PLCE1: variants seen among roughly 807,000 people sequenced by gnomAD.
PLCE1 encodes 1-phosphatidylinositol 4,5-bisphosphate phosphodiesterase epsilon-1.
In PLCE1, 119 loss-of-function variants were observed where a neutral mutation model predicts 242.8. That is an observed-to-expected ratio of 0.49 (90% CI 0.42 to 0.57). The LOEUF is 0.57. Ranked by LOEUF, PLCE1 falls within the 20% of genes least tolerant of loss-of-function variation. PLCE1 has a pLI of 0.00. For synonymous variants in PLCE1, 945 were observed against 1,017.4 expected, an observed-to-expected ratio of 0.93 and a Z score of 1.35; for missense variants, 2,441 against 2,788.8, an observed-to-expected ratio of 0.88 and a Z score of 2.81.
chr10:94,310,470 C>A (rs2053353284), intron 27 of PLCE1, among the ~76,000 whole-genome samples: 1 of 152,142 alleles, frequency 6.6e-6, no homozygotes, highest in Admixed American at 6.6e-5. Context: ...GGGCCCCAGG[C>A]ATCAGTTTTT....
intron 1 of PLCE1, among the ~76,000 whole-genome samples, chr10:94,018,947 T>C (rs1001829146): frequency 2.0e-5 from 3 of 152,204 alleles, no homozygotes; most frequent in Non-Finnish European, 4.4e-5. Flanking sequence ...ATTATTATAG[T>C]GCTGAAGGGG....
chr10:94,090,396 C>G (rs1004401745), intron 2 of PLCE1, among the ~76,000 whole-genome samples: 3 of 152,172 alleles, frequency 2.0e-5, no homozygotes, highest in Non-Finnish European at 2.9e-5. Context: ...ATTAAGTGTT[C>G]ATTCCTTCTA....
chr10:94,207,258 G>T (rs948840491), intron 4 of PLCE1, among the ~76,000 whole-genome samples: 1 of 152,150 alleles, frequency 6.6e-6, no homozygotes, highest in South Asian at 2.1e-4. Context: ...ACACACAGCT[G>T]GGAGACAGAA....
intron 22 of PLCE1, among the ~76,000 whole-genome samples, chr10:94,287,787 A>G (rs956367894): frequency 9.2e-5 from 14 of 151,900 alleles, no homozygotes; most frequent in African/African-American, 3.4e-4. Context: ...CTAGTTTCCA[A>G]TATCTTCCCA....
At chr10:94,040,985 A>G (rs2061755367) in intron 2 of PLCE1, among the ~76,000 whole-genome samples, 1 of 152,214 alleles carries the variant, frequency 6.6e-6, no homozygotes, top group African/African-American at 2.4e-5. Context: ...AATAGCCACA[A>G]CAGACACTGT....
chr10:94,192,905 T>C (rs1240019379), intron 4 of PLCE1, among the ~76,000 whole-genome samples: 2 of 152,160 alleles, frequency 1.3e-5, no homozygotes, highest in African/African-American at 4.8e-5. Flanking sequence ...TCTCATCTGA[T>C]CTTGGAAAAA....
rs2053824617 is a variant in PLCE1, at chr10:94,321,976, C to G, written c.6418C>G (p.Gln2140Glu). 6.2e-7 allele frequency: 1 copy of G among 1,613,590 alleles called. No homozygotes were observed. Among genetic ancestry groups the G allele is most frequent in the Non-Finnish European group, 8.5e-7 (1 of 1,179,680 alleles). Residue 2140 changes from glutamine (Q) to glutamate (E), a missense_variant, in exon 30 of 33, where the codon CAA (glutamine) becomes GAA (glutamate). By Grantham distance (29) the Gln-to-Glu change is conservative. Around this residue, in one of 5 missense-constraint regions of PLCE1, gnomAD observed 310 missense variants for 317.2 expected, o/e 0.98. Transcript: ENST00000371380. ...LSSEEESFFVQVHDVSPEQPR... is the reference protein window; with the variant it reads ...LSSEEESFFVEVHDVSPEQPR... ...CTCAGAGGAGGAGAGTTTCTTTGTCCAAGTGCATGATGTTTCTCCAGAGCA... is the reference window on the plus strand; with the variant it reads ...CTCAGAGGAGGAGAGTTTCTTTGTCGAAGTGCATGATGTTTCTCCAGAGCA...
intron 11 of PLCE1, among the ~76,000 whole-genome samples, chr10:94,255,865 T>TCTTTA (rs944383347): frequency 2.0e-5 from 3 of 149,060 alleles, no homozygotes; most frequent in Non-Finnish European, 4.4e-5. Flanking sequence ...AAACAGGAAC[T>TCTTTA]CTTTACTTTA....
intron 3 of PLCE1, among the ~76,000 whole-genome samples, chr10:94,166,552 T>G (rs1251154160): frequency 6.7e-6 from 1 of 150,080 alleles, no homozygotes; most frequent in East Asian, 2.0e-4. Flanking sequence ...ACTCTTCAAC[T>G]CCATTCTCTA....
Position 94,031,227 on chromosome 10 carries a change from AAAG to A in PLCE1, c.187_189del (p.Glu63del). On this transcript the variant is annotated inframe_deletion, in exon 2 of 33. Coordinates refer to ENST00000371380, the MANE Select transcript of PLCE1 (RefSeq NM_016341.4). The stretch of plus-strand genomic sequence containing the variant: ...TACCATCTCACAACTGAACAAACTT[AAAG>A]AAGAACCTTCTGGAAGCAACTTGCC... 1 of 1,613,886 alleles carries A rather than the reference AAAG, an allele frequency of 6.2e-7. No individual in the cohort carries two copies. The highest frequency in any genetic ancestry group is 8.5e-7 in the Non-Finnish European group (1 of 1,179,858).
At chr10:94,218,890 TTA>T (rs905114266) in intron 4 of PLCE1, among the ~76,000 whole-genome samples, 5 of 82,826 alleles carry the variant, frequency 6.0e-5, no homozygotes, top group South Asian at 4.8e-4. Flanking sequence ...AATAATAATT[TTA>T]TATATAATTA....
At chr10:94,049,129 ATTGTC>A (rs1254896209) in intron 2 of PLCE1, among the ~76,000 whole-genome samples, 1 of 151,828 alleles carries the variant, frequency 6.6e-6, no homozygotes, top group African/African-American at 2.4e-5. Context: ...CTATATTTTA[ATTGTC>A]TTTTCTTTTT....
intron 2 of PLCE1, chr10:94,088,900 C>T (rs2044948512): frequency 4.3e-6 from 2 of 461,088 alleles, no homozygotes; most frequent in Non-Finnish European, 3.7e-6. Context: ...AACGCAAGGA[C>T]ATTTTTTTGT....
At position 94,246,116 on chromosome 10, in the gene PLCE1, G is replaced by A. The variant is rs781709034; in HGVS notation, c.2591G>A (p.Gly864Glu). 6.2e-7 allele frequency: 1 copy of A among 1,614,074 alleles called. No homozygotes were observed. The highest frequency in any genetic ancestry group is 8.5e-7 in the Non-Finnish European group (1 of 1,180,008). Reference sequence around the variant, plus strand: ...GATGTGCACCAGTTCCTGCTGCAGGGGGCCACGGTCATCCACTACGACCAG... The same window carrying A: ...GATGTGCACCAGTTCCTGCTGCAGGAGGCCACGGTCATCCACTACGACCAG... ...QADVHQFLLQ[G>E]ATVIHYDQDT... Residue 864 changes from glycine (G) to glutamate (E), a missense_variant, in exon 8 of 33, where the codon GGG (glycine) becomes GAG (glutamate). Around this residue, in one of 5 missense-constraint regions of PLCE1, gnomAD observed 733 missense variants for 754.2 expected, o/e 0.97. Transcript: ENST00000371380.
chr10:94,044,992 A>C (rs1247595253), intron 2 of PLCE1, among the ~76,000 whole-genome samples: 1 of 152,026 alleles, frequency 6.6e-6, no homozygotes, highest in Admixed American at 6.6e-5. Flanking sequence ...TCTTTTTTAA[A>C]AATTTTTTAT....
chr10:94,172,844 C>T (rs541680049), intron 4 of PLCE1, among the ~76,000 whole-genome samples: 4 of 152,264 alleles, frequency 2.6e-5, no homozygotes, highest in South Asian at 4.1e-4. Flanking sequence ...AAACACAAAA[C>T]ACTTTCTAAC....
At position 94,170,967 on chromosome 10, in the gene PLCE1, A is replaced by G. The variant is rs189423462; in HGVS notation, c.1493-213A>G. On this transcript the variant is annotated intron_variant, in intron 3 of 32. Coordinates refer to ENST00000371380, the MANE Select transcript of PLCE1 (RefSeq NM_016341.4). ...GAAAACCAACCCTACCACCACCACCACCGCCACTCCACCCCCACCTCATTA... is the reference window on the plus strand; with the variant it reads ...GAAAACCAACCCTACCACCACCACCGCCGCCACTCCACCCCCACCTCATTA... Among the ~76,000 whole-genome samples the G allele has an allele frequency of 8.5e-5, 13 of 152,072 alleles. No individual in the cohort carries two copies. In the East Asian group the frequency reaches 2.3e-3, roughly 27 times the overall value.
At chr10:94,103,750 G>C (rs1475915684) in intron 2 of PLCE1, among the ~76,000 whole-genome samples, 1 of 152,142 alleles carries the variant, frequency 6.6e-6, no homozygotes, top group Non-Finnish European at 1.5e-5. Flanking sequence ...TACCCACACG[G>C]TGTGTGTGCA....
chr10:94,175,636 G>A (rs1330072627), intron 4 of PLCE1, among the ~76,000 whole-genome samples: 1 of 151,314 alleles, frequency 6.6e-6, no homozygotes, highest in Non-Finnish European at 1.5e-5. Context: ...TCACTCTTTT[G>A]TGCTATCAAA....
Sources: gnomAD v4.1 joint callset for allele counts (sites outside exome capture counted in the v4.1 genomes callset) on GRCh38, gnomAD v4.1.1 for gene constraint, gnomAD v4.1.1 regional missense constraint, MANE v1.5 for transcripts, NCBI Gene and HGNC (gene_info 2026-07-23, HGNC 2026-07-21) for gene names.